NLGN4X: variants seen among roughly 807,000 people sequenced by gnomAD.
NLGN4X encodes the protein neuroligin-4, X-linked.
NLGN4X carries 3 observed loss-of-function variants against 40.3 expected under a neutral mutation model. That is an observed-to-expected ratio of 0.07 (90% CI 0.03 to 0.19). The LOEUF is 0.19. Among genes scored for constraint, NLGN4X ranks in the 10% least tolerant of loss-of-function variants. The probability of loss-of-function intolerance (pLI) is 1.00; values close to 1 mark genes in which losing one functional copy is unlikely to be tolerated. For synonymous variants in NLGN4X, 270 were observed against 306.8 expected, an observed-to-expected ratio of 0.88 and a Z score of 1.25; for missense variants, 382 against 708.3, an observed-to-expected ratio of 0.54 and a Z score of 5.23.
intron 1 of NLGN4X, among the ~76,000 whole-genome samples, chrX:6,195,027 T>C (rs920349711): frequency 9.0e-6 from 1 of 111,508 alleles, no homozygotes; most frequent in Non-Finnish European, 1.9e-5. Context: ...GGGATACATG[T>C]TCAGAATGTG....
At chrX:6,217,103 A>G (rs1340316153) in intron 1 of NLGN4X, among the ~76,000 whole-genome samples, 1 of 112,528 alleles carries the variant, frequency 8.9e-6, no homozygotes, top group African/African-American at 3.2e-5. Flanking sequence ...TTTTACAAAT[A>G]CTGCTACAGC....
intron 3 of NLGN4X, among the ~76,000 whole-genome samples, chrX:5,938,966 CGTGTGTGTGT>C (rs60927853): frequency 2.0e-5 from 2 of 101,948 alleles, no homozygotes; most frequent in African/African-American, 7.2e-5. Context: ...TGTGTGTGTG[CGTGTGTGTGT>C]GTGTGTGTGT....
intron 3 of NLGN4X, among the ~76,000 whole-genome samples, chrX:5,909,479 T>C (rs1003086509): frequency 2.7e-5 from 3 of 111,218 alleles, no homozygotes; most frequent in East Asian, 2.8e-4. Context: ...ATGTGGCTAA[T>C]AGAGAAGGCA....
chrX:6,109,578 A>C (rs958336166), intron 2 of NLGN4X, among the ~76,000 whole-genome samples: 1 of 111,831 alleles, frequency 8.9e-6, no homozygotes, highest in Non-Finnish European at 1.9e-5. Context: ...TGTTCTTTTA[A>C]GAAAACTTTC....
intron 3 of NLGN4X, among the ~76,000 whole-genome samples, chrX:5,972,601 C>A (rs2035056660): frequency 9.0e-6 from 1 of 111,441 alleles, no homozygotes; most frequent in South Asian, 3.7e-4. Context: ...ATAATTAATA[C>A]AAAATGAAAA....
chrX:5,914,982 A>C (rs2032716753), intron 3 of NLGN4X, among the ~76,000 whole-genome samples: 1 of 112,894 alleles, frequency 8.9e-6, no homozygotes, highest in Non-Finnish European at 1.9e-5. Flanking sequence ...CACACATTGC[A>C]CAGGATGGGC....
intron 2 of NLGN4X, among the ~76,000 whole-genome samples, chrX:6,050,355 C>T (rs1039993197): frequency 5.4e-5 from 6 of 111,269 alleles, no homozygotes; most frequent in Non-Finnish European, 1.9e-5. Context: ...GTCTATCTAT[C>T]CATCTCTGTC....
At position 6,079,811 on chromosome X, in the gene NLGN4X, T is replaced by A. The variant is rs185542356; in HGVS notation, c.473-50379A>T. The stretch of plus-strand genomic sequence containing the variant: ...TTCATTACCCAAGAGAATAAGTATT[T>A]ATATTTACTGAGGAGATCCTAACTT... On this transcript the variant is annotated intron_variant, in intron 2 of 5. Coordinates refer to ENST00000381095, the MANE Select transcript of NLGN4X (RefSeq NM_181332.3). Among the ~76,000 whole-genome samples the A allele has an allele frequency of 5.2e-3, 587 of 112,002 alleles. 6 individuals carry two copies. Among genetic ancestry groups the A allele is most frequent in the African/African-American group, 0.017 (532 of 30,824 alleles).
In NLGN4X at chrX:6,178,603, A is replaced by T. The variant is rs1470052200; in HGVS notation, c.-305-26832T>A. 3.6e-5 allele frequency among the ~76,000 whole-genome samples: 4 copies of T among 112,407 alleles called. No homozygotes were observed. In the Admixed American group the frequency reaches 3.8e-4, roughly 11 times the overall value. On this transcript the variant is annotated intron_variant, in intron 1 of 5. Coordinates refer to ENST00000381095, the MANE Select transcript of NLGN4X (RefSeq NM_181332.3). Reference sequence around the variant, plus strand: ...GAAATACGACCATGAATATAAAAAGAAGTTTCCAAATTCTAAAGAAACAAA... The same window carrying T: ...GAAATACGACCATGAATATAAAAAGTAGTTTCCAAATTCTAAAGAAACAAA...
chrX:6,004,539 G>C (rs757172047), intron 3 of NLGN4X, among the ~76,000 whole-genome samples: 10 of 112,091 alleles, frequency 8.9e-5, no homozygotes, highest in Non-Finnish European at 1.7e-4. Flanking sequence ...ACAAGTTATA[G>C]AGAGGAAATG....
intron 2 of NLGN4X, among the ~76,000 whole-genome samples, chrX:6,033,643 G>A (rs753968972): frequency 1.2e-4 from 13 of 111,974 alleles, no homozygotes; most frequent in African/African-American, 3.9e-4. Context: ...AATAAAAATC[G>A]AAGTCATCTA....
At chrX:6,178,859 C>A (rs1158821233) in intron 1 of NLGN4X, among the ~76,000 whole-genome samples, 3 of 110,827 alleles carry the variant, frequency 2.7e-5, no homozygotes, top group Non-Finnish European at 5.7e-5. Context: ...ATCCAAGGAG[C>A]ACAAGACAGG....
intron 1 of NLGN4X, among the ~76,000 whole-genome samples, chrX:6,169,346 A>G (rs892502171): frequency 1.8e-5 from 2 of 113,121 alleles, no homozygotes; most frequent in African/African-American, 3.2e-5. Context: ...ATAATCTGAC[A>G]TTTACCAGGC....
At chrX:5,980,896 T>C in intron 3 of NLGN4X, among the ~76,000 whole-genome samples, 1 of 108,336 alleles carries the variant, frequency 9.2e-6, no homozygotes, top group Admixed American at 9.6e-5. Flanking sequence ...TGTATTTTCA[T>C]TAAAATTTTA....
chrX:6,062,063 C>T (rs1451467727), intron 2 of NLGN4X, among the ~76,000 whole-genome samples: 2 of 111,609 alleles, frequency 1.8e-5, no homozygotes, highest in African/African-American at 3.3e-5. Context: ...CAGACTCTGA[C>T]ATCCATCTCC....
chrX:6,045,580 T>A (rs1403197194), intron 2 of NLGN4X, among the ~76,000 whole-genome samples: 3 of 111,479 alleles, frequency 2.7e-5, no homozygotes, highest in African/African-American at 9.8e-5. Context: ...TCATTCACAG[T>A]TGAAGGAAAG....
At chrX:6,155,047 T>C (rs1457250628) in intron 1 of NLGN4X, among the ~76,000 whole-genome samples, 1 of 111,976 alleles carries the variant, frequency 8.9e-6, no homozygotes, top group Non-Finnish European at 1.9e-5. Context: ...ATCTGGACCT[T>C]AAAAAGAATA....
chrX:6,215,313 G>T (rs1375822198), intron 1 of NLGN4X, among the ~76,000 whole-genome samples: 2 of 105,396 alleles, frequency 1.9e-5, no homozygotes, highest in East Asian at 5.7e-4. Context: ...CACTTTGAGA[G>T]GCCAAGGCAG....
intron 2 of NLGN4X, among the ~76,000 whole-genome samples, chrX:6,062,137 G>A (rs986335281): frequency 2.7e-5 from 3 of 111,499 alleles, no homozygotes; most frequent in Non-Finnish European, 5.6e-5. Flanking sequence ...AAACTTTGAT[G>A]ATAACTTAAG....
Sources: gnomAD v4.1 joint callset for allele counts (sites outside exome capture counted in the v4.1 genomes callset) on GRCh38, gnomAD v4.1.1 for gene constraint, MANE v1.5 for transcripts, NCBI Gene and HGNC (gene_info 2026-07-23, HGNC 2026-07-21) for gene names.